Variants in MAF observed in about 807,000 individuals in gnomAD.
MAF encodes transcription factor Maf.
Under a neutral mutation model 22.0 loss-of-function variants are expected in MAF, and 10 were observed. The observed-to-expected ratio is 0.45, with a 90% CI of 0.28 to 0.77. The LOEUF (loss-of-function observed/expected upper bound fraction) is 0.77. MAF is among the 30% of genes least tolerant of loss of function. The pLI is 0.12. For synonymous variants in MAF, 337 were observed against 255.8 expected (o/e 1.32, Z -3.03); for missense variants, 544 against 548.4 (o/e 0.99, Z 0.08).
chr16:79,370,160 G>C, the MAF span, among the ~76,000 whole-genome samples: 1 of 152,218 alleles, frequency 6.6e-6, no homozygotes, highest in African/African-American at 2.4e-5. Flanking sequence ...TACTTGGAGA[G>C]TTTCTAGGTG....
At chr16:79,554,214 G>A in the MAF span, among the ~76,000 whole-genome samples, 18 of 152,188 alleles carry the variant, frequency 1.2e-4, no homozygotes, top group African/African-American at 4.1e-4. Flanking sequence ...CAGTAGAAGG[G>A]TTTCCTAATG....
chr16:79,547,109 T>C, the MAF span, among the ~76,000 whole-genome samples: 10 of 152,128 alleles, frequency 6.6e-5, no homozygotes, highest in Non-Finnish European at 1.5e-4. Flanking sequence ...TCTAGCACTG[T>C]TGGGGGAGGC....
chr16:79,373,926 A>C, the MAF span, among the ~76,000 whole-genome samples: 1 of 152,244 alleles, frequency 6.6e-6, no homozygotes, highest in Non-Finnish European at 1.5e-5. Flanking sequence ...GGGAATCAAT[A>C]AATAACTGAA....
chr16:79,486,439 T>C, the MAF span, among the ~76,000 whole-genome samples: 1,001 of 152,292 alleles, frequency 6.6e-3, 3 homozygotes, highest in Non-Finnish European at 0.011. Context: ...GTAAGCCATG[T>C]GTTTTTCACA....
chr16:79,486,477 AC>A, the MAF span, among the ~76,000 whole-genome samples: 1 of 152,172 alleles, frequency 6.6e-6, no homozygotes, highest in Non-Finnish European at 1.5e-5. Flanking sequence ...ACAATATTTT[AC>A]CCAAAGACTG....
the MAF span, among the ~76,000 whole-genome samples, chr16:79,263,029 T>A: frequency 1.3e-5 from 2 of 152,188 alleles, no homozygotes; most frequent in Non-Finnish European, 2.9e-5. Flanking sequence ...ACCCATAGGA[T>A]GTGACTGATA....
the MAF span, among the ~76,000 whole-genome samples, chr16:79,253,800 C>T: frequency 2.0e-5 from 3 of 152,180 alleles, no homozygotes; most frequent in Non-Finnish European, 4.4e-5. Flanking sequence ...ATCACACCTC[C>T]TGTTCTGAGG....
At chr16:79,571,619 A>T in the MAF span, among the ~76,000 whole-genome samples, 7 of 149,250 alleles carry the variant, frequency 4.7e-5, no homozygotes, top group African/African-American at 1.5e-4. Flanking sequence ...AATTTTAAGC[A>T]TGCCAAGAAC....
chr16:79,229,597 C>G, the MAF span: 1 of 152,052 alleles, frequency 6.6e-6, no homozygotes, highest in African/African-American at 2.4e-5. Context: ...TTCGGTAACT[C>G]CATCCATCTG....
At chr16:79,544,121 G>A in the MAF span, among the ~76,000 whole-genome samples, 8 of 152,102 alleles carry the variant, frequency 5.3e-5, no homozygotes, top group South Asian at 1.0e-3. Flanking sequence ...GGTATGATAT[G>A]GTCAACCGTG....
the MAF span, among the ~76,000 whole-genome samples, chr16:79,365,612 G>T: frequency 7.9e-5 from 12 of 152,110 alleles, no homozygotes; most frequent in African/African-American, 2.9e-4. Context: ...GGGTGTAGGG[G>T]TCTGTGACCT....
chr16:79,436,248 A>T, the MAF span, among the ~76,000 whole-genome samples: 1 of 152,160 alleles, frequency 6.6e-6, no homozygotes, highest in East Asian at 1.9e-4. Context: ...ACACCCAGCT[A>T]AGTTTTGTAT....
the MAF span, among the ~76,000 whole-genome samples, chr16:79,219,243 T>C: frequency 2.0e-5 from 3 of 152,194 alleles, no homozygotes; most frequent in South Asian, 6.2e-4. Context: ...CAAGAGCTTG[T>C]CCTGTTACTT....
At chr16:79,245,046 C>G in the MAF span, among the ~76,000 whole-genome samples, 1 of 152,018 alleles carries the variant, frequency 6.6e-6, no homozygotes, top group African/African-American at 2.4e-5. Flanking sequence ...CCCTTCCTTA[C>G]ACTCTATACA....
chr16:79,533,059 T>C, the MAF span, among the ~76,000 whole-genome samples: 3 of 152,198 alleles, frequency 2.0e-5, no homozygotes, highest in African/African-American at 4.8e-5. Context: ...CCCTTCGGGG[T>C]AACTTAGTGT....
the MAF span, among the ~76,000 whole-genome samples, chr16:79,530,780 A>AATCAGTCAT: frequency 2.6e-5 from 4 of 152,232 alleles, no homozygotes; most frequent in Admixed American, 2.6e-4. Flanking sequence ...ATCCTTTCAA[A>AATCAGTCAT]ATCAGTCATA....
chr16:79,364,175 G>A, the MAF span, among the ~76,000 whole-genome samples: 2 of 152,290 alleles, frequency 1.3e-5, no homozygotes, highest in Admixed American at 6.5e-5. Flanking sequence ...GTAGGAGGGA[G>A]CCCAGGGCAA....
the MAF span, among the ~76,000 whole-genome samples, chr16:79,476,533 C>T: frequency 6.6e-6 from 1 of 152,196 alleles, no homozygotes; most frequent in Admixed American, 6.5e-5. Context: ...ATTTGACTCC[C>T]AACTCTGCTC....
At chr16:79,240,913 G>A in the MAF span, among the ~76,000 whole-genome samples, 1 of 151,992 alleles carries the variant, frequency 6.6e-6, no homozygotes, top group Admixed American at 6.6e-5. Flanking sequence ...AGGGTCTGGA[G>A]TGGACCTCCA....
Sources: gnomAD v4.1 joint callset for allele counts (sites outside exome capture counted in the v4.1 genomes callset) on GRCh38, gnomAD v4.1.1 for gene constraint, MANE v1.5 for transcripts, NCBI Gene and HGNC (gene_info 2026-07-23, HGNC 2026-07-21) for gene names.